The following WDFY3 variants were observed in gnomAD, a reference collection of about 807,000 sequenced individuals.
The protein encoded by WDFY3 is WD repeat and FYVE domain-containing protein 3.
WDFY3 carries 66 observed loss-of-function variants against 409.6 expected under a neutral mutation model. That is an observed-to-expected ratio of 0.16 (90% CI 0.13 to 0.20). The LOEUF (loss-of-function observed/expected upper bound fraction) is 0.20, where lower values mean the gene tolerates loss of function less well. Ranked by LOEUF, WDFY3 falls within the 10% of genes least tolerant of loss-of-function variation. The pLI is 1.00. For missense variants in WDFY3, 3,031 were observed against 4,298.1 expected, an observed-to-expected ratio of 0.71 and a Z score of 8.24; for synonymous variants, 1,521 against 1,537.1, an observed-to-expected ratio of 0.99 and a Z score of 0.25.
chr4:84,958,869 C>G lies in WDFY3; in HGVS notation c.-226+7340G>C, dbSNP rs1480445835. On this transcript the variant is annotated intron_variant, in intron 1 of 67. Coordinates refer to ENST00000295888, the MANE Select transcript of WDFY3 (RefSeq NM_014991.6). ...ACAATTCTCACTCCCTTGGCTGCCT[C>G]AAATCTCTTCTAATGGACCTTTACA... Among the ~76,000 whole-genome samples, 3 of 152,182 alleles carry G rather than the reference C, an allele frequency of 2.0e-5. No homozygotes were observed. In the South Asian group the frequency reaches 6.2e-4, roughly 32 times the overall value.
intron 1 of WDFY3, among the ~76,000 whole-genome samples, chr4:84,956,996 C>T (rs1399394846): frequency 6.9e-6 from 1 of 145,584 alleles, no homozygotes; most frequent in African/African-American, 2.5e-5. Flanking sequence ...AAAAAAAAAA[C>T]CTTTATGGAA....
In WDFY3 at chr4:84,841,227, A is replaced by C; in HGVS notation, c.341T>G (p.Ile114Ser). The C allele has an allele frequency of 6.2e-7, 1 of 1,612,930 alleles. No individual in the cohort carries two copies. Among genetic ancestry groups the C allele is most frequent in the Non-Finnish European group, 8.5e-7 (1 of 1,179,796 alleles). ...TCTACTGGCTTCTTCACTCTGATTA[A>C]TCTCTAGGAACTGAACTATGGCCCG... ...ASRAIVQFLE[I>S]NQSEEASRGW... The change falls in exon 6 of 68, where the codon ATT becomes AGT. Residue 114 changes from isoleucine to serine, a missense_variant. This residue lies in a region of WDFY3 where 1,322 missense variants were observed against 1,697.9 expected (regional missense o/e 0.78). Coordinates refer to ENST00000295888, the MANE Select transcript of WDFY3 (RefSeq NM_014991.6).
At chr4:84,914,239 G>A (rs1768167096) in intron 2 of WDFY3, among the ~76,000 whole-genome samples, 1 of 152,026 alleles carries the variant, frequency 6.6e-6, no homozygotes, top group African/African-American at 2.4e-5. Flanking sequence ...GGCCAACATA[G>A]TAAAACCCCG....
chr4:84,797,974 A>T, intron 18 of WDFY3, 22 bp downstream of exon 18: 1 of 1,563,814 alleles, frequency 6.4e-7, no homozygotes, highest in East Asian at 2.2e-5. Context: ...AATAAATCAA[A>T]AAAGGGAATT....
chr4:84,843,021 C>A (rs1394876820), intron 5 of WDFY3, among the ~76,000 whole-genome samples: 1 of 152,138 alleles, frequency 6.6e-6, no homozygotes, highest in Non-Finnish European at 1.5e-5. Flanking sequence ...AAAACAGATT[C>A]TTTTTATTGA....
chr4:84,702,969 G>A (rs529506812), intron 55 of WDFY3, among the ~76,000 whole-genome samples: 3 of 152,096 alleles, frequency 2.0e-5, no homozygotes, highest in Non-Finnish European at 2.9e-5. Context: ...GGTGGCGGGC[G>A]CCTGTAGTCC....
intron 35 of WDFY3, among the ~76,000 whole-genome samples, chr4:84,752,284 T>C (rs550321029): frequency 4.6e-5 from 7 of 152,132 alleles, no homozygotes; most frequent in South Asian, 2.1e-4. Context: ...GAGGCCGACA[T>C]AGGCAGATCA....
intron 2 of WDFY3, among the ~76,000 whole-genome samples, chr4:84,921,817 C>A (rs1008807988): frequency 6.6e-6 from 1 of 151,320 alleles, no homozygotes; most frequent in East Asian, 1.9e-4. Context: ...CCACCACGCC[C>A]GGCTAATTTT....
intron 49 of WDFY3, among the ~76,000 whole-genome samples, chr4:84,715,920 G>A (rs966049789): frequency 1.3e-5 from 2 of 150,710 alleles, no homozygotes; most frequent in South Asian, 2.1e-4. Context: ...AATAAAAAAA[G>A]TAATTATAAT....
At chr4:84,780,354 T>C (rs1746277885) in intron 25 of WDFY3, 56 bp from the exon 26 acceptor site, 1 of 1,463,708 alleles carries the variant, frequency 6.8e-7, no homozygotes, top group Non-Finnish European at 9.1e-7. Context: ...GAACAAGAAC[T>C]GTATACATCA....
chr4:84,914,191 G>A (rs1768155646), intron 2 of WDFY3, among the ~76,000 whole-genome samples: 1 of 152,132 alleles, frequency 6.6e-6, no homozygotes, highest in South Asian at 2.1e-4. Context: ...GGAGGCCGAG[G>A]CGGGCGGATC....
chr4:84,908,075 A>C (rs543932945), intron 2 of WDFY3, among the ~76,000 whole-genome samples: 3 of 152,288 alleles, frequency 2.0e-5, no homozygotes, highest in Non-Finnish European at 4.4e-5. Flanking sequence ...TAATGAAAGG[A>C]TGCCATACTC....
At chr4:84,809,161 A>C in intron 14 of WDFY3, 1 of 152,208 alleles carries the variant, frequency 6.6e-6, no homozygotes, top group Non-Finnish European at 1.5e-5. Context: ...AAGCACTGAA[A>C]ATAAGTGATC....
intron 26 of WDFY3, 119 bp from the exon 27 acceptor site, chr4:84,778,774 C>T: frequency 1.1e-6 from 1 of 887,216 alleles, no homozygotes; most frequent in Non-Finnish European, 1.6e-6. Flanking sequence ...CACACATACA[C>T]ACAGAATCCT....
chr4:84,753,912 A>G, intron 34 of WDFY3, 36 bp from the exon 35 acceptor site: 1 of 1,502,544 alleles, frequency 6.7e-7, no homozygotes, highest in Middle Eastern at 1.8e-4. Flanking sequence ...ACTATGTTAC[A>G]GTTATTGACA....
Position 84,810,028 on chromosome 4 carries a change from T to C in WDFY3, c.2204A>G (p.Asn735Ser), listed in dbSNP as rs775101162. Residue 735 changes from asparagine (N) to serine (S), a missense_variant, in exon 14 of 68, where the codon AAT (asparagine) becomes AGT (serine). Transcript: ENST00000295888. The part of the protein sequence containing the change: ...FSDLRKISAM[N>S]VFPSNTQPFQ... The stretch of plus-strand genomic sequence containing the variant: ...TGGCTGTGTATTTGAGGGGAAGACA[T>C]TCATGGCGCTTATTTTTCTTAGGTC... 2.5e-6 allele frequency: 4 copies of C among 1,614,080 alleles called. No homozygotes were observed. The highest frequency in any genetic ancestry group is 2.7e-5 in the African/African-American group (2 of 74,940).
chr4:84,711,378 T>C (rs139339454), intron 51 of WDFY3, among the ~76,000 whole-genome samples: 1 of 152,260 alleles, frequency 6.6e-6, no homozygotes, highest in East Asian at 1.9e-4. Flanking sequence ...TAATACCTTA[T>C]GGTAGAAAAA....
rs1166262651 is a variant in WDFY3 at position 84,829,201 on chromosome 4, A to G, written c.770-11T>C. 6.6e-7 allele frequency: 1 copy of G among 1,525,898 alleles called. No homozygotes were observed. Among genetic ancestry groups the G allele is most frequent in the African/African-American group, 1.4e-5 (1 of 71,962 alleles). 94.5% of individuals were successfully genotyped at this position (1,525,898 alleles called of 1,614,324 possible). A position where few individuals can be genotyped will look rare whatever the true frequency, so the allele number is the denominator to read the frequency against. Reference sequence around the variant, plus strand: ...ATAAACACTCTTTCTCTGTAAGAATAGATAATTAAATAAATATGCATTATT... The same window carrying G: ...ATAAACACTCTTTCTCTGTAAGAATGGATAATTAAATAAATATGCATTATT... On this transcript the variant is annotated splice_polypyrimidine_tract_variant and intron_variant, in intron 8 of 67. Transcript: ENST00000295888.
At chr4:84,851,537 AAAAC>A (rs1759005478) in intron 4 of WDFY3, among the ~76,000 whole-genome samples, 1 of 152,182 alleles carries the variant, frequency 6.6e-6, no homozygotes, top group Non-Finnish European at 1.5e-5. Context: ...GAAGGAAAAC[AAAAC>A]AAACAAGCAA....
Sources: allele counts gnomAD v4.1 joint callset (sites outside exome capture counted in the v4.1 genomes callset), GRCh38; gene constraint gnomAD v4.1.1; regional missense constraint gnomAD v4.1.1; transcripts MANE v1.5; gene names NCBI Gene and HGNC (gene_info 2026-07-23, HGNC 2026-07-21).